PPP5C: variants seen among roughly 807,000 people sequenced by gnomAD.
The protein encoded by PPP5C is serine/threonine-protein phosphatase 5.
A neutral mutation model predicts 66.7 loss-of-function variants in PPP5C; 21 were observed. The observed-to-expected ratio is 0.31, with a 90% CI of 0.22 to 0.45. PPP5C has a LOEUF of 0.45. Among genes scored for constraint, PPP5C ranks in the 20% least tolerant of loss-of-function variants. PPP5C has a pLI of 1.00. For missense variants in PPP5C, 464 were observed against 675.9 expected (o/e 0.69, Z 3.48); for synonymous variants, 246 against 257.4 (o/e 0.96, Z 0.43).
At chr19:46,353,687 C>T (rs1421732107) in intron 1 of PPP5C, 61 bp from the exon 2 acceptor site, 4 of 1,604,112 alleles carry the variant, frequency 2.5e-6, no homozygotes, top group East Asian at 2.2e-5. Context: ...CGTCACCCAG[C>T]CCAGGGCCTG....
intron 6 of PPP5C, 194 bp from the exon 7 acceptor site, chr19:46,384,610 G>C (rs1032633914): frequency 1.1e-5 from 6 of 543,172 alleles, no homozygotes; most frequent in African/African-American, 9.5e-5. Flanking sequence ...GCTCTGGCTG[G>C]AGCCACGGTG....
intron 2 of PPP5C, among the ~76,000 whole-genome samples, chr19:46,368,365 G>A (rs77359841): frequency 0.01 from 1,561 of 152,300 alleles, 27 homozygotes; most frequent in African/African-American, 0.035. Flanking sequence ...TACTCGTGGC[G>A]AGTGTCCTTT....
chr19:46,347,259 G>C, intron 1 of PPP5C, 42 bp downstream of exon 1: 1 of 1,561,952 alleles, frequency 6.4e-7, no homozygotes, highest in Non-Finnish European at 8.7e-7. Flanking sequence ...GGCCCAGGCT[G>C]AGGGGTGCCG....
At chr19:46,353,430 C>T (rs891231520) in intron 1 of PPP5C, among the ~76,000 whole-genome samples, 5 of 151,704 alleles carry the variant, frequency 3.3e-5, no homozygotes, top group African/African-American at 1.2e-4. Flanking sequence ...TCAGACAAGG[C>T]TCAACCACCT....
Position 46,388,222 on chromosome 19 carries a change from G to A in PPP5C, c.1136-186G>A. 1 of 618,368 alleles carries A rather than the reference G, an allele frequency of 1.6e-6. No individual in the cohort carries two copies. Among genetic ancestry groups the A allele is most frequent in the South Asian group, 2.4e-5 (1 of 42,502 alleles). 38.3% of individuals were successfully genotyped at this position (618,368 alleles called of 1,614,324 possible). The stretch of plus-strand genomic sequence containing the variant: ...GTCTGGAGGGCAGATCAGCAGAGAG[G>A]GTGGGGGTGGCTCAGAATCACAGTC... On this transcript the variant is annotated intron_variant, in intron 9 of 12. Transcript: ENST00000012443. The surrounding 1 kb of genome is among the most constrained non-coding windows in gnomAD (Gnocchi z 4.9).
chr19:46,372,425 C>T (rs138106443), intron 2 of PPP5C, among the ~76,000 whole-genome samples: 13 of 152,204 alleles, frequency 8.5e-5, no homozygotes, highest in African/African-American at 2.6e-4. Flanking sequence ...GTTGTCCAGG[C>T]TGGTCTTGAA....
At chr19:46,371,075 C>T (rs1972582895) in intron 2 of PPP5C, among the ~76,000 whole-genome samples, 1 of 145,142 alleles carries the variant, frequency 6.9e-6, no homozygotes, top group East Asian at 2.0e-4. Context: ...TTCTGTCTCT[C>T]TGGAGAACCC....
chr19:46,370,765 G>A (rs1404527870), intron 2 of PPP5C, among the ~76,000 whole-genome samples: 1 of 151,360 alleles, frequency 6.6e-6, no homozygotes, highest in Non-Finnish European at 1.5e-5. Flanking sequence ...TTTTTGAGAT[G>A]GGTCTTGCTC....
rs996022340 is a variant in PPP5C, at chr19:46,347,278, C to G, written c.121+61C>G. The stretch of plus-strand genomic sequence containing the variant: ...CAGGCTGAGGGGTGCCGGGCCCGCG[C>G]GGAACCATAGCAACGCGGAGCTGCA... On this transcript the variant is annotated intron_variant, in intron 1 of 12. Coordinates refer to ENST00000012443, the MANE Select transcript of PPP5C (RefSeq NM_006247.4). 1.9e-5 allele frequency: 29 copies of G among 1,521,980 alleles called. No homozygotes were observed. The East Asian group carries it at 6.4e-4, about 34-fold the overall frequency. 94.3% of individuals were successfully genotyped at this position (1,521,980 alleles called of 1,614,324 possible).
chr19:46,363,452 A>T (rs1972435503), intron 2 of PPP5C, among the ~76,000 whole-genome samples: 1 of 147,316 alleles, frequency 6.8e-6, no homozygotes, highest in Admixed American at 6.7e-5. Flanking sequence ...TCTTTTTCAG[A>T]CGGAGTCTCA....
At chr19:46,358,191 G>A (rs967544334) in intron 2 of PPP5C, among the ~76,000 whole-genome samples, 7 of 152,174 alleles carry the variant, frequency 4.6e-5, no homozygotes, top group African/African-American at 9.7e-5. Flanking sequence ...CTGGCCACCC[G>A]TGGTCTTCAA....
At chr19:46,356,077 GGGCTGGTT>G (rs1315515746) in intron 2 of PPP5C, among the ~76,000 whole-genome samples, 1 of 152,222 alleles carries the variant, frequency 6.6e-6, no homozygotes, top group Non-Finnish European at 1.5e-5. Flanking sequence ...CCCTGAGGCT[GGGCTGGTT>G]GGCTTCAGCC....
intron 7 of PPP5C, among the ~76,000 whole-genome samples, chr19:46,385,680 T>C (rs1429700450): frequency 2.0e-5 from 3 of 151,380 alleles, no homozygotes. Flanking sequence ...CCTGGGAGGC[T>C]GAGGCAGGAG....
chr19:46,347,127 T>C lies in PPP5C; in HGVS notation c.31T>C (p.Cys11Arg), dbSNP rs970913527. The change falls in exon 1 of 13, where the codon TGT (cysteine) becomes CGT (arginine). Residue 11 changes from cysteine (C) to arginine (R), a missense_variant. Physicochemically the swap from Cys to Arg is radical, Grantham distance 180. Around this residue, in one of 2 missense-constraint regions of PPP5C, gnomAD observed 77 missense variants for 49.9 expected, o/e 1.54. Coordinates refer to ENST00000012443, the MANE Select transcript of PPP5C (RefSeq NM_006247.4). Reference protein sequence around the residue: MAMAEGERTECAEPPRDEPPA... With the variant: MAMAEGERTERAEPPRDEPPA... ...GATGGCGGAGGGCGAGAGGACTGAG[T>C]GTGCTGAGCCCCCCCGGGACGAACC... 1.2e-6 allele frequency: 2 copies of C among 1,604,698 alleles called. No individual in the cohort carries two copies. The highest frequency in any genetic ancestry group is 8.5e-7 in the Non-Finnish European group (1 of 1,176,052).
At chr19:46,375,833 C>T in intron 3 of PPP5C, 82 bp downstream of exon 3, 1 of 1,498,456 alleles carries the variant, frequency 6.7e-7, no homozygotes, top group Non-Finnish European at 8.9e-7. Flanking sequence ...TGGGGTTGGG[C>T]TCAGGGGTGG....
chr19:46,384,759 G>C, intron 6 of PPP5C, 45 bp from the exon 7 acceptor site: 1 of 1,342,872 alleles, frequency 7.4e-7, no homozygotes, highest in Non-Finnish European at 1.1e-6. Flanking sequence ...CCACCGCACC[G>C]CACCCTTCCC....
intron 2 of PPP5C, among the ~76,000 whole-genome samples, chr19:46,373,269 G>T (rs73553124): frequency 0.019 from 2,879 of 152,370 alleles, 108 homozygotes; most frequent in African/African-American, 0.065. Context: ...GTGCATAGCG[G>T]AAATCAGGAG....
chr19:46,348,817 G>T (rs527856325), intron 1 of PPP5C, among the ~76,000 whole-genome samples: 2 of 152,294 alleles, frequency 1.3e-5, no homozygotes, highest in South Asian at 4.1e-4. Context: ...TGTCGGGAAG[G>T]CTGAGAGAAG....
At position 46,388,455 on chromosome 19, in the gene PPP5C, C is replaced by A; in HGVS notation, c.1176+7C>A. The A allele has an allele frequency of 3.1e-6, 5 of 1,612,530 alleles. No individual in the cohort carries two copies. The highest frequency in any genetic ancestry group is 4.2e-6 in the Non-Finnish European group (5 of 1,178,806). On this transcript the variant is annotated splice_region_variant and intron_variant, in intron 10 of 12. Transcript: ENST00000012443. The surrounding 1 kb of genome is among the most constrained non-coding windows in gnomAD (Gnocchi z 4.9). ...GTCAGATCCACAGCCACAGGTGAGT[C>A]TAGGGTGGGGTGCAGGGCCGGCGGG...
Sources: allele counts gnomAD v4.1 joint callset (sites outside exome capture counted in the v4.1 genomes callset), GRCh38; gene constraint gnomAD v4.1.1; regional missense constraint gnomAD v4.1.1; non-coding constraint Gnocchi (gnomAD v3.1); transcripts MANE v1.5; gene names NCBI Gene and HGNC (gene_info 2026-07-23, HGNC 2026-07-21).